The following NAV1 variants were observed in gnomAD, a reference collection of about 807,000 sequenced individuals.
The protein encoded by NAV1 is pore membrane and/or filament interacting like protein 3.
A neutral mutation model predicts 175.2 loss-of-function variants in NAV1; 18 were observed. That is an observed-to-expected ratio of 0.10 (90% CI 0.07 to 0.15). The LOEUF is 0.15. NAV1 is among the 10% of genes least tolerant of loss of function. The pLI is 1.00. For missense variants in NAV1, 1,731 were observed against 2,436.6 expected (o/e 0.71, Z 6.10); for synonymous variants, 897 against 978.7 (o/e 0.92, Z 1.56).
upstream of NAV1, among the ~76,000 whole-genome samples, chr1:201,644,049 G>A (rs1216565455): frequency 6.6e-6 from 1 of 152,102 alleles, no homozygotes; most frequent in Non-Finnish European, 1.5e-5. Flanking sequence ...TGGTCTTTGG[G>A]GCGCTGAGGA....
intron 3 of NAV1, among the ~76,000 whole-genome samples, chr1:201,776,148 T>C (rs1206455765): frequency 1.3e-5 from 2 of 152,028 alleles, no homozygotes; most frequent in African/African-American, 4.8e-5. Context: ...TGTACCTATA[T>C]ATGTATGTGT....
intron 1 of NAV1, among the ~76,000 whole-genome samples, chr1:201,700,391 C>G (rs1416470038): frequency 6.6e-6 from 1 of 152,130 alleles, no homozygotes; most frequent in African/African-American, 2.4e-5. Context: ...AACGAGATAC[C>G]ATCTCACGGC....
chr1:201,809,852 T>A, intron 22 of NAV1, 94 bp from the exon 27 acceptor site: 1 of 1,227,290 alleles, frequency 8.1e-7, no homozygotes, highest in South Asian at 1.4e-5. Flanking sequence ...ACTTTCTCCA[T>A]CTATTTCTGT....
At chr1:201,783,242 G>C (rs1223838073) in intron 6 of NAV1, among the ~76,000 whole-genome samples, 164 bp from the exon 11 acceptor site, 1 of 152,184 alleles carries the variant, frequency 6.6e-6, no homozygotes, top group African/African-American at 2.4e-5. Context: ...GCCCCAAGTT[G>C]GGTATCAGAT....
At chr1:201,773,046 A>T (rs1026332252) in intron 3 of NAV1, among the ~76,000 whole-genome samples, 15 of 151,928 alleles carry the variant, frequency 9.9e-5, no homozygotes, top group African/African-American at 3.4e-4. Context: ...AAAAAAAAAA[A>T]AAATACTAGG....
intron 3 of NAV1, chr1:201,733,412 G>T (rs182705275): frequency 6.6e-6 from 1 of 152,114 alleles, no homozygotes; most frequent in Non-Finnish European, 1.5e-5. Flanking sequence ...GGCAGTGCTC[G>T]CTTTGGCAGC....
intron 24 of NAV1, among the ~76,000 whole-genome samples, chr1:201,811,103 G>C (rs1878611): frequency 0.99 from 151,384 of 152,328 alleles, 75,228 homozygotes; most frequent in East Asian, 1. Flanking sequence ...CTACCCCACT[G>C]TCTGCCAACC....
chr1:201,797,831 T>TC (rs1677559815), intron 15 of NAV1: 1 of 152,224 alleles, frequency 6.6e-6, no homozygotes, highest in Non-Finnish European at 1.5e-5. Context: ...ACATTGATCT[T>TC]ATATCCTGCA....
chr1:201,648,534 C>T, exon 1 of NAV1: 6 of 1,246,874 alleles, frequency 4.8e-6, no homozygotes, highest in Non-Finnish European at 6.0e-6. Flanking sequence ...CCTTCTCTCC[C>T]CTTCTTCCTC....
chr1:201,788,683 TG>T lies in NAV1; in HGVS notation c.3166+48del. The T allele has an allele frequency of 6.4e-7, 1 of 1,555,080 alleles. No individual in the cohort carries two copies. Among genetic ancestry groups the T allele is most frequent in the African/African-American group, 1.3e-5 (1 of 74,164 alleles). ...CGGTTCACGCTCATTCCAGCTCTGCTGGGTCCCCTCACCCACCACCTCCACT... is the reference window on the plus strand; with the variant it reads ...CGGTTCACGCTCATTCCAGCTCTGCTGGTCCCCTCACCCACCACCTCCACT... On this transcript the variant is annotated intron_variant, in intron 10 of 29. Coordinates refer to ENST00000367296, the Ensembl canonical transcript of NAV1. This position sits in a 1 kb window ranked among gnomAD's most constrained non-coding sequence, Gnocchi z 5.7.
chr1:201,778,692 A>G (rs1346453803), intron 3 of NAV1, among the ~76,000 whole-genome samples: 1 of 152,192 alleles, frequency 6.6e-6, no homozygotes, highest in African/African-American at 2.4e-5. Context: ...CTCTTTCTCA[A>G]TGTATTTGGA....
chr1:201,684,424 C>T (rs555761835), intron 1 of NAV1, among the ~76,000 whole-genome samples: 46 of 151,170 alleles, frequency 3.0e-4, no homozygotes, highest in East Asian at 7.8e-4. Context: ...ATGTCTGCAA[C>T]GCTAACCTAA....
intron 2 of NAV1, among the ~76,000 whole-genome samples, chr1:201,596,082 T>A (rs1667339480): frequency 6.6e-6 from 1 of 152,232 alleles, no homozygotes; most frequent in Admixed American, 6.5e-5. Context: ...CCTCACTGCA[T>A]CTCAGTTTTC....
intron 13 of NAV1, chr1:201,791,058 G>T: frequency 2.8e-6 from 1 of 355,280 alleles, no homozygotes; most frequent in East Asian, 5.4e-5. Flanking sequence ...ATTACCAGTG[G>T]TTCTGCATGG....
chr1:201,540,534 T>C (rs888751120), intron 1 of NAV1, among the ~76,000 whole-genome samples: 1 of 152,182 alleles, frequency 6.6e-6, no homozygotes, highest in African/African-American at 2.4e-5. Flanking sequence ...AAGAATGGCC[T>C]CCCCAGGAGG....
chr1:201,778,306 C>T (rs1676088198), intron 3 of NAV1, among the ~76,000 whole-genome samples: 1 of 152,124 alleles, frequency 6.6e-6, no homozygotes, highest in African/African-American at 2.4e-5. Context: ...TGCGAGGGTC[C>T]TTCCATAAGA....
intron 1 of NAV1, among the ~76,000 whole-genome samples, chr1:201,706,401 C>T (rs1671672308): frequency 1.3e-5 from 2 of 152,104 alleles, no homozygotes; most frequent in Non-Finnish European, 2.9e-5. Flanking sequence ...CAGTTCACCT[C>T]TTCTGGTGAT....
At chr1:201,542,772 A>C (rs568604835) in intron 1 of NAV1, among the ~76,000 whole-genome samples, 59 of 152,384 alleles carry the variant, frequency 3.9e-4, no homozygotes, top group Non-Finnish European at 6.8e-4. Flanking sequence ...ATATGCATAT[A>C]AAATTAAAGG....
chr1:201,756,846 TTC>T (rs1376218687), intron 3 of NAV1, among the ~76,000 whole-genome samples: 2 of 129,130 alleles, frequency 1.5e-5, no homozygotes, highest in Non-Finnish European at 3.5e-5. Context: ...CTTTCTTTCT[TTC>T]TTTCTTTCTT....
Sources: gnomAD v4.1 joint callset for allele counts (sites outside exome capture counted in the v4.1 genomes callset) on GRCh38, gnomAD v4.1.1 for gene constraint, Gnocchi (gnomAD v3.1) non-coding constraint, MANE v1.5 for transcripts, NCBI Gene and HGNC (gene_info 2026-07-23, HGNC 2026-07-21) for gene names.